Variants in DPY19L1 observed in about 807,000 individuals in gnomAD.
DPY19L1 encodes dpy-19 like C-mannosyltransferase 1.
Under a neutral mutation model 96.9 loss-of-function variants are expected in DPY19L1, and 35 were observed. That is an observed-to-expected ratio of 0.36 (90% CI 0.28 to 0.48). The LOEUF (loss-of-function observed/expected upper bound fraction) is 0.48, where lower values mean the gene tolerates loss of function less well. Among genes scored for constraint, DPY19L1 ranks in the 20% least tolerant of loss-of-function variants. The probability of loss-of-function intolerance (pLI) is 0.99; values close to 1 mark genes in which losing one functional copy is unlikely to be tolerated. For missense variants in DPY19L1, 521 were observed against 777.9 expected (o/e 0.67, Z 3.93); for synonymous variants, 205 against 252.6 (o/e 0.81, Z 1.79).
intron 1 of DPY19L1, among the ~76,000 whole-genome samples, chr7:35,034,184 T>C (rs894005879): frequency 2.0e-5 from 3 of 152,196 alleles, no homozygotes; most frequent in East Asian, 1.9e-4. Flanking sequence ...GTTGTGTATA[T>C]AGTATCTCAT....
chr7:35,018,640 T>A, intron 1 of DPY19L1, 44 bp from the exon 2 acceptor site: 1 of 1,541,404 alleles, frequency 6.5e-7, no homozygotes, highest in South Asian at 1.2e-5. Context: ...AGCATAAACA[T>A]GTTCATCTTA....
chr7:35,012,958 T>C (rs1785750689), intron 4 of DPY19L1, among the ~76,000 whole-genome samples: 1 of 152,080 alleles, frequency 6.6e-6, no homozygotes. Context: ...CTGATATATA[T>C]ATATAAAATC....
intron 13 of DPY19L1, among the ~76,000 whole-genome samples, chr7:34,952,461 T>C (rs773220965): frequency 1.3e-5 from 2 of 152,112 alleles, no homozygotes; most frequent in African/African-American, 2.4e-5. Flanking sequence ...CTACCAAACA[T>C]TTAAGGAAGA....
chr7:34,969,377 A>G (rs1784677773), intron 9 of DPY19L1, 56 bp downstream of exon 9: 1 of 975,106 alleles, frequency 1.0e-6, no homozygotes, highest in East Asian at 2.9e-5. Flanking sequence ...TATGCAAATG[A>G]GCTCACATAG....
chr7:34,933,151 A>G (rs1021644210), intron 21 of DPY19L1, among the ~76,000 whole-genome samples: 2 of 152,192 alleles, frequency 1.3e-5, no homozygotes, highest in Non-Finnish European at 2.9e-5. Flanking sequence ...AAAAAAAAAA[A>G]ATTATTTCAA....
intron 6 of DPY19L1, among the ~76,000 whole-genome samples, chr7:35,002,125 C>CAAAAA (rs548044939): frequency 1.7e-4 from 8 of 46,910 alleles, no homozygotes; most frequent in South Asian, 6.5e-4. Flanking sequence ...GACTCCAGCT[C>CAAAAA]AAAAAAAAAA....
At chr7:34,970,648 A>G (rs1220722709) in intron 8 of DPY19L1, among the ~76,000 whole-genome samples, 7 of 152,222 alleles carry the variant, frequency 4.6e-5, no homozygotes, top group Non-Finnish European at 1.0e-4. Flanking sequence ...GCTTTTGAAT[A>G]CTAAATATGA....
At chr7:34,978,101 T>A (rs1784866370) in intron 7 of DPY19L1, among the ~76,000 whole-genome samples, 1 of 152,134 alleles carries the variant, frequency 6.6e-6, no homozygotes, top group African/African-American at 2.4e-5. Context: ...TATTAACTTA[T>A]AATATTGGGA....
intron 1 of DPY19L1, among the ~76,000 whole-genome samples, chr7:35,034,121 GA>G (rs1562834049): frequency 6.6e-6 from 1 of 152,088 alleles, no homozygotes; most frequent in Non-Finnish European, 1.5e-5. Flanking sequence ...GCAAAGGGGG[GA>G]AAAGGTAGTT....
At chr7:35,014,720 G>A (rs1785801148) in intron 3 of DPY19L1, among the ~76,000 whole-genome samples, 1 of 152,124 alleles carries the variant, frequency 6.6e-6, no homozygotes. Flanking sequence ...AAAATTTCAT[G>A]TCCACCAGAC....
At chr7:34,944,511 T>C (rs1458227310) in intron 16 of DPY19L1, among the ~76,000 whole-genome samples, 1 of 152,110 alleles carries the variant, frequency 6.6e-6, no homozygotes, top group African/African-American at 2.4e-5. Flanking sequence ...CCACTCTTAA[T>C]AATTACAGGA....
intron 1 of DPY19L1, 57 bp from the exon 2 acceptor site, chr7:35,018,653 G>T: frequency 6.8e-7 from 1 of 1,460,936 alleles, no homozygotes; most frequent in Non-Finnish European, 9.5e-7. Context: ...TCATCTTACA[G>T]AAAAGCCATT....
chr7:34,987,519 T>G (rs188722759), intron 7 of DPY19L1, among the ~76,000 whole-genome samples: 20 of 152,222 alleles, frequency 1.3e-4, no homozygotes, highest in African/African-American at 4.3e-4. Flanking sequence ...TATCTTCACA[T>G]GTAGTGCACA....
chr7:34,987,462 T>C (rs770448693), intron 7 of DPY19L1, among the ~76,000 whole-genome samples: 1 of 152,078 alleles, frequency 6.6e-6, no homozygotes, highest in Non-Finnish European at 1.5e-5. Flanking sequence ...TTTTCCCTTA[T>C]AAAACCATAT....
chr7:34,961,749 A>G (rs1215319183), intron 10 of DPY19L1, among the ~76,000 whole-genome samples: 1 of 152,218 alleles, frequency 6.6e-6, no homozygotes, highest in African/African-American at 2.4e-5. Context: ...GTTATCAAAA[A>G]TATACAAAGA....
chr7:34,968,804 T>TCAA (rs1339127638), intron 9 of DPY19L1, among the ~76,000 whole-genome samples: 1 of 142,380 alleles, frequency 7.0e-6, no homozygotes, highest in Non-Finnish European at 1.5e-5. Context: ...AAGCAACTCT[T>TCAA]CAACTGCTTT....
At position 34,955,469 on chromosome 7, in the gene DPY19L1, A is replaced by C. The variant is rs144121072; in HGVS notation, c.1180-102T>G. 2.8e-6 allele frequency: 4 copies of C among 1,445,496 alleles called. No individual in the cohort carries two copies. The African/African-American group carries it at 5.7e-5, about 21-fold the overall frequency. 89.5% of individuals were successfully genotyped at this position (1,445,496 alleles called of 1,614,324 possible). A position where few individuals can be genotyped will look rare whatever the true frequency, so the allele number is the denominator to read the frequency against. ...AATAATAAGATTCTCAAGTATCTAAAATTTAGCACATGGTTGACTTTCCAC... is the reference window on the plus strand; with the variant it reads ...AATAATAAGATTCTCAAGTATCTAACATTTAGCACATGGTTGACTTTCCAC... On this transcript the variant is annotated intron_variant, in intron 11 of 21. Transcript: ENST00000638088.
chr7:35,020,296 T>C (rs1015115170), intron 1 of DPY19L1, among the ~76,000 whole-genome samples: 2 of 152,258 alleles, frequency 1.3e-5, no homozygotes, highest in Non-Finnish European at 2.9e-5. Flanking sequence ...GTAATCACTC[T>C]GAGGTTATAA....
Position 34,994,761 on chromosome 7 carries a change from G to A in DPY19L1, c.765-4820C>T, listed in dbSNP as rs1275662511. ...GGAGCTTGCAGTGAGCCAAGACTGT[G>A]CCACTGTACTCCAGCCTGTGCGACA... is the stretch of plus-strand genomic sequence containing the variant. On this transcript the variant is annotated intron_variant, in intron 6 of 21. Transcript: ENST00000638088. Among the ~76,000 whole-genome samples the A allele has an allele frequency of 2.6e-5, 4 of 151,142 alleles. No individual in the cohort carries two copies. The South Asian group carries it at 8.4e-4, about 32-fold the overall frequency.
Sources: allele counts gnomAD v4.1 joint callset (sites outside exome capture counted in the v4.1 genomes callset), GRCh38; gene constraint gnomAD v4.1.1; transcripts MANE v1.5; gene names NCBI Gene and HGNC (gene_info 2026-07-23, HGNC 2026-07-21).